The following ATP6V1C2 variants were observed in gnomAD, a reference collection of about 807,000 sequenced individuals.
ATP6V1C2 encodes ATPase H+ transporting V1 subunit C2.
ATP6V1C2 carries 45 observed loss-of-function variants against 56.8 expected under a neutral mutation model. The ratio of observed to expected loss-of-function variants is 0.79; its 90% CI spans 0.62 to 1.02. The LOEUF is 1.02. ATP6V1C2 is among the 50% of genes least tolerant of loss of function. The pLI, the probability that ATP6V1C2 is intolerant of heterozygous loss-of-function variation, is 0.00. For missense variants in ATP6V1C2, 463 were observed against 519.7 expected (o/e 0.89, Z 1.06); for synonymous variants, 220 against 201.3 (o/e 1.09, Z -0.79).
In ATP6V1C2 at chr2:10,772,562, A is replaced by G; in HGVS notation, c.590A>G (p.Gln197Arg). The change falls in exon 8 of 14, where the codon CAA becomes CGA. Residue 197 changes from glutamine to arginine, a missense_variant. By Grantham distance (43) the Gln-to-Arg change is conservative. Transcript: ENST00000272238. ...IVPKPNYSQW[Q>R]KTYESLSDMV... ...TGCAGACCAAACTACTCACAATGGC[A>G]AAAAACCTACGAATCTCTCTCAGAC... 1 of 1,614,034 alleles carries G rather than the reference A, an allele frequency of 6.2e-7. No individual in the cohort carries two copies. Among genetic ancestry groups the G allele is most frequent in the Non-Finnish European group, 8.5e-7 (1 of 1,179,946 alleles).
chr2:10,777,739 GA>G lies in ATP6V1C2; in HGVS notation c.963+19del. On this transcript the variant is annotated intron_variant, in intron 11 of 13. Transcript: ENST00000272238. ...GAGGGTGAGGTAAGCAACGCCCCGG[GA>G]ACCCCGGGGTCCCTGGCTCACATCT... 6.3e-7 allele frequency: 1 copy of G among 1,597,416 alleles called. No individual in the cohort carries two copies. The highest frequency in any genetic ancestry group is 2.2e-5 in the East Asian group (1 of 44,718).
chr2:10,746,831 TG>T (rs559154369), intron 3 of ATP6V1C2, among the ~76,000 whole-genome samples: 83 of 152,358 alleles, frequency 5.4e-4, no homozygotes, highest in African/African-American at 1.9e-3. Flanking sequence ...TAATAGCCAG[TG>T]TCAACAGTTT....
intron 1 of ATP6V1C2, among the ~76,000 whole-genome samples, chr2:10,722,135 G>A (rs1661403038): frequency 6.6e-6 from 1 of 152,144 alleles, no homozygotes; most frequent in African/African-American, 2.4e-5. Flanking sequence ...GGGGAAAGGT[G>A]CGGGTGTGGA....
chr2:10,738,420 A>G (rs1468502190), intron 3 of ATP6V1C2, among the ~76,000 whole-genome samples: 1 of 152,224 alleles, frequency 6.6e-6, no homozygotes, highest in Non-Finnish European at 1.5e-5. Flanking sequence ...CTTTAGGTAC[A>G]ACATGCGGGA....
At chr2:10,776,185 G>C (rs1664960429) in intron 10 of ATP6V1C2, among the ~76,000 whole-genome samples, 1 of 151,972 alleles carries the variant, frequency 6.6e-6, no homozygotes, top group African/African-American at 2.4e-5. Context: ...CTTTAGGGAG[G>C]AAACAACAGC....
At chr2:10,783,107 A>G in intron 13 of ATP6V1C2, 67 bp from the exon 14 acceptor site, 2 of 1,361,040 alleles carry the variant, frequency 1.5e-6, no homozygotes, top group Non-Finnish European at 2.1e-6. Flanking sequence ...GAGCTTCCTC[A>G]AAACTAAAAG....
chr2:10,728,229 A>G (rs1238671415), intron 3 of ATP6V1C2, among the ~76,000 whole-genome samples: 3 of 152,032 alleles, frequency 2.0e-5, no homozygotes, highest in Admixed American at 6.6e-5. Context: ...CTATGGTCAC[A>G]TGCCATCATG....
chr2:10,737,396 C>T (rs1479753141), intron 3 of ATP6V1C2, among the ~76,000 whole-genome samples: 1 of 148,620 alleles, frequency 6.7e-6, no homozygotes, highest in Non-Finnish European at 1.5e-5. Flanking sequence ...GTACTCCAGC[C>T]TGGGCGAGTG....
chr2:10,777,906 C>T (rs1665101136), intron 11 of ATP6V1C2, among the ~76,000 whole-genome samples, 184 bp downstream of exon 11: 1 of 152,122 alleles, frequency 6.6e-6, no homozygotes, highest in Non-Finnish European at 1.5e-5. Flanking sequence ...GCTGCCCCCG[C>T]CAGCAGTGAA....
intron 3 of ATP6V1C2, among the ~76,000 whole-genome samples, chr2:10,739,496 G>C (rs1313068989): frequency 1.3e-5 from 2 of 151,812 alleles, no homozygotes; most frequent in Non-Finnish European, 2.9e-5. Context: ...AGCCACCCTG[G>C]CTCCATCCTG....
chr2:10,734,563 C>T (rs532459124), intron 3 of ATP6V1C2, among the ~76,000 whole-genome samples: 1 of 152,226 alleles, frequency 6.6e-6, no homozygotes, highest in African/African-American at 2.4e-5. Context: ...TCTTATCTAA[C>T]CTGCAAGAGT....
At position 10,775,011 on chromosome 2, in the gene ATP6V1C2, G is replaced by A. The variant is rs777277921; in HGVS notation, c.765G>A (p.Lys255=). 12 of 1,614,004 alleles carry A rather than the reference G, an allele frequency of 7.4e-6. No homozygotes were observed. In the South Asian group the frequency reaches 1.3e-4, roughly 18 times the overall value. The change falls in exon 10 of 14, where the codon AAG becomes AAA. Residue 255 remains lysine (K), a synonymous_variant. Coordinates refer to ENST00000272238, the MANE Select transcript of ATP6V1C2 (RefSeq NM_001039362.2). The part of the protein sequence containing the change: ...FTVREFYYDE[K]EIEREREEMA... ...TTCGTGAATTTTACTATGATGAGAAGGAAATTGAAAGGGAAAGGGAGGAGA... is the reference window on the plus strand; with the variant it reads ...TTCGTGAATTTTACTATGATGAGAAAGAAATTGAAAGGGAAAGGGAGGAGA...
rs1665096572 is a variant in ATP6V1C2, at chr2:10,777,828, GC to G, written c.963+107del. 10 of 1,383,634 alleles carry G rather than the reference GC, an allele frequency of 7.2e-6. 1 individual carries two copies. In the African/African-American group the frequency reaches 1.2e-4, roughly 16 times the overall value. The allele number at this position is 1,383,634 out of a possible 1,614,324, so 85.7% of individuals were successfully genotyped here. ...TTGCATTTTTCTGTTCTCTAATATG[GC>G]TTTTGAGGTCTTAAATTTGAGGAGC... is the stretch of plus-strand genomic sequence containing the variant. On this transcript the variant is annotated intron_variant, in intron 11 of 13. Transcript: ENST00000272238.
chr2:10,747,464 G>A (rs1048705405), intron 3 of ATP6V1C2, among the ~76,000 whole-genome samples: 2 of 152,058 alleles, frequency 1.3e-5, no homozygotes, highest in Non-Finnish European at 1.5e-5. Flanking sequence ...TTAAAAATAA[G>A]GACATCCTCT....
At chr2:10,723,224 G>A (rs1661455861) in intron 2 of ATP6V1C2, among the ~76,000 whole-genome samples, 2 of 152,206 alleles carry the variant, frequency 1.3e-5, no homozygotes, top group South Asian at 2.1e-4. Context: ...AGGGGGACAA[G>A]GTTGTGGGTA....
At chr2:10,753,840 G>C in intron 3 of ATP6V1C2, 141 bp from the exon 4 acceptor site, 1 of 703,880 alleles carries the variant, frequency 1.4e-6, no homozygotes, top group Non-Finnish European at 2.4e-6. Context: ...GGCCGCTATT[G>C]GCATTTTAAC....
intron 4 of ATP6V1C2, among the ~76,000 whole-genome samples, chr2:10,760,030 G>GTTTTTTTTTTTTTTTT (rs34096158): frequency 7.5e-6 from 1 of 133,840 alleles, no homozygotes; most frequent in African/African-American, 2.7e-5. Flanking sequence ...TTTGTTTTTT[G>GTTTTTTTTTTTTTTTT]TTTTTTTTTT....
At chr2:10,723,795 C>T (rs955368345) in intron 2 of ATP6V1C2, among the ~76,000 whole-genome samples, 4 of 148,548 alleles carry the variant, frequency 2.7e-5, no homozygotes, top group African/African-American at 7.4e-5. Flanking sequence ...GCCGAGATTG[C>T]GCCACTGCAC....
chr2:10,753,764 A>C (rs1572554063), intron 3 of ATP6V1C2, among the ~76,000 whole-genome samples: 1 of 151,874 alleles, frequency 6.6e-6, no homozygotes, highest in African/African-American at 2.4e-5. Context: ...CTCTTGACCT[A>C]GTGATCCGCC....
Sources: gnomAD v4.1 joint callset for allele counts (sites outside exome capture counted in the v4.1 genomes callset) on GRCh38, gnomAD v4.1.1 for gene constraint, MANE v1.5 for transcripts, NCBI Gene and HGNC (gene_info 2026-07-23, HGNC 2026-07-21) for gene names.